The following ZNF331 variants were observed in gnomAD, a reference collection of about 807,000 sequenced individuals.
ZNF331 encodes the protein zinc finger protein 331, also known as C2H2-like zinc finger protein rearranged in thyroid adenomas.
In ZNF331, 2 loss-of-function variants were observed where a neutral mutation model predicts 7.0. The observed-to-expected ratio is 0.29, with a 90% CI of 0.12 to 0.90. The LOEUF is 0.90. Ranked by LOEUF, ZNF331 falls within the 40% of genes least tolerant of loss-of-function variation. The probability of loss-of-function intolerance (pLI) is 0.58; values close to 1 mark genes in which losing one functional copy is unlikely to be tolerated. For synonymous variants in ZNF331, 196 were observed against 205.4 expected (o/e 0.95, Z 0.39); for missense variants, 432 against 587.7 (o/e 0.74, Z 2.74).
chr19:53,554,069 A>T (rs1184495687), intron 2 of ZNF331, among the ~76,000 whole-genome samples: 1 of 152,198 alleles, frequency 6.6e-6, no homozygotes, highest in Admixed American at 6.5e-5. Context: ...TTCCCCAGAC[A>T]TCGCCCTCCT....
rs534615468 is a variant in ZNF331, at chr19:53,571,335, G to A, written c.10-269G>A. ...CTGCTTGTAAGCAAGAAGAAAACTT[G>A]GATTGTTTTATCCACTTCCTGGCAG... On this transcript the variant is annotated intron_variant, in intron 4 of 5. Transcript: ENST00000449416. This position sits in a 1 kb window ranked among gnomAD's most constrained non-coding sequence, Gnocchi z 4.7. Among the ~76,000 whole-genome samples the A allele has an allele frequency of 2.6e-5, 4 of 152,230 alleles. No individual in the cohort carries two copies. In the East Asian group the frequency reaches 5.8e-4, roughly 22 times the overall value.
intron 2 of ZNF331, among the ~76,000 whole-genome samples, chr19:53,544,189 T>C (rs2088394865): frequency 6.8e-6 from 1 of 147,350 alleles, no homozygotes; most frequent in African/African-American, 2.5e-5. Flanking sequence ...ATCACGCCAC[T>C]GCACTCCAGC....
chr19:53,570,893 G>A (rs1024726025), intron 4 of ZNF331, among the ~76,000 whole-genome samples: 2 of 138,520 alleles, frequency 1.4e-5, no homozygotes, highest in African/African-American at 5.6e-5. Flanking sequence ...GTCTCGCTCT[G>A]TCGCCCAGGC....
chr19:53,508,683 G>A, the ZNF331 span, among the ~76,000 whole-genome samples: 2 of 152,116 alleles, frequency 1.3e-5, no homozygotes, highest in Admixed American at 6.6e-5. Flanking sequence ...GACCATTCCA[G>A]GCACAATATG....
chr19:53,565,871 GA>G, intron 3 of ZNF331, among the ~76,000 whole-genome samples: 1 of 152,194 alleles, frequency 6.6e-6, no homozygotes, highest in Non-Finnish European at 1.5e-5. Flanking sequence ...TTTGTCTTTG[GA>G]GAGTCTAATT....
chr19:53,536,306 G>T (rs930501607), upstream of ZNF331: 1 of 135,972 alleles, frequency 7.4e-6, no homozygotes, highest in Non-Finnish European at 1.6e-5. Context: ...GTCATACATT[G>T]TACTATCTTT....
intron 2 of ZNF331, among the ~76,000 whole-genome samples, chr19:53,525,214 G>A (rs2087247042): frequency 6.6e-6 from 1 of 152,158 alleles, no homozygotes; most frequent in South Asian, 2.1e-4. Context: ...CTCCAGCTTT[G>A]TTCTTTTTGC....
upstream of ZNF331, among the ~76,000 whole-genome samples, chr19:53,516,090 C>T (rs1001232748): frequency 3.9e-5 from 6 of 152,064 alleles, no homozygotes; most frequent in Admixed American, 2.6e-4. Flanking sequence ...TCTGGGGAGG[C>T]CTCAGAAACG....
chr19:53,508,972 G>A, the ZNF331 span, among the ~76,000 whole-genome samples: 1 of 152,100 alleles, frequency 6.6e-6, no homozygotes, highest in Non-Finnish European at 1.5e-5. Flanking sequence ...TAGGTCCTAG[G>A]AGCACTGAAG....
At chr19:53,556,385 CTCT>C (rs2089430976) in intron 3 of ZNF331, among the ~76,000 whole-genome samples, 1 of 152,016 alleles carries the variant, frequency 6.6e-6, no homozygotes. Context: ...ACTAAACTGT[CTCT>C]TGTCTATTTT....
chr19:53,555,129 A>G (rs534096011), intron 2 of ZNF331: 226 of 154,282 alleles, frequency 1.5e-3, no homozygotes, highest in Non-Finnish European at 8.2e-4. Context: ...GTGTGACAGC[A>G]CAACCTGTAG....
At chr19:53,550,638 G>A (rs757626651) in intron 2 of ZNF331, among the ~76,000 whole-genome samples, 1 of 131,368 alleles carries the variant, frequency 7.6e-6, no homozygotes, top group Non-Finnish European at 1.6e-5. Flanking sequence ...CCAAGTTCAA[G>A]CGATTCTCCT....
In ZNF331 at chr19:53,580,115, A is replaced by G. The variant is rs1042074156; in HGVS notation, c.*2163A>G. On this transcript the variant is annotated 3_prime_UTR_variant, in exon 6 of 6. Coordinates refer to ENST00000449416, the MANE Select transcript of ZNF331 (RefSeq NM_001079906.2). ...TGATTTCAGATGTCTCACCACAAAG[A>G]AGGAGGATAAGGGAGCGAGGTGATG... 2.7e-4 allele frequency: 57 copies of G among 210,616 alleles called. No homozygotes were observed. The highest frequency in any genetic ancestry group is 1.2e-3 in the African/African-American group (54 of 44,180). 13.0% of individuals were successfully genotyped at this position (210,616 alleles called of 1,614,324 possible).
intron 2 of ZNF331, among the ~76,000 whole-genome samples, chr19:53,544,191 C>T (rs1411707923): frequency 1.3e-5 from 2 of 148,752 alleles, no homozygotes; most frequent in African/African-American, 2.5e-5. Context: ...CACGCCACTG[C>T]ACTCCAGCTT....
intron 2 of ZNF331, among the ~76,000 whole-genome samples, chr19:53,543,099 G>T (rs7254740): frequency 6.6e-5 from 10 of 150,410 alleles, no homozygotes; most frequent in African/African-American, 2.4e-4. Context: ...ATGAGCCACC[G>T]CGCCCAGTGG....
upstream of ZNF331, among the ~76,000 whole-genome samples, chr19:53,518,947 G>T (rs1305482834): frequency 2.0e-5 from 3 of 152,246 alleles, no homozygotes; most frequent in African/African-American, 7.2e-5. Flanking sequence ...GATGGTGGAA[G>T]AATGTGCTTG....
the ZNF331 span, chr19:53,503,432 G>A: frequency 7.6e-4 from 444 of 588,062 alleles, 2 homozygotes; most frequent in East Asian, 9.1e-3. Context: ...TCTTCTTATC[G>A]CAGACTGTAC....
At chr19:53,543,747 A>G in intron 2 of ZNF331, among the ~76,000 whole-genome samples, 1 of 152,210 alleles carries the variant, frequency 6.6e-6, no homozygotes, top group Non-Finnish European at 1.5e-5. Context: ...TGTAACAATC[A>G]TACCATGTAG....
chr19:53,565,767 G>T (rs1310006330), intron 3 of ZNF331, among the ~76,000 whole-genome samples: 1 of 152,016 alleles, frequency 6.6e-6, no homozygotes, highest in Non-Finnish European at 1.5e-5. Context: ...GACCTCAGGT[G>T]ATCCGCCCGC....
Sources: gnomAD v4.1 joint callset for allele counts (sites outside exome capture counted in the v4.1 genomes callset) on GRCh38, gnomAD v4.1.1 for gene constraint, Gnocchi (gnomAD v3.1) non-coding constraint, MANE v1.5 for transcripts, NCBI Gene and HGNC (gene_info 2026-07-23, HGNC 2026-07-21) for gene names.